LRRC7: variants seen among roughly 807,000 people sequenced by gnomAD.
The protein encoded by LRRC7 is leucine-rich repeat-containing protein 7.
Under a neutral mutation model 175.7 loss-of-function variants are expected in LRRC7, and 23 were observed. That is an observed-to-expected ratio of 0.13 (90% CI 0.09 to 0.19). LRRC7 has a LOEUF of 0.19. LRRC7 is among the 10% of genes least tolerant of loss of function. The pLI is 1.00. For missense variants in LRRC7, 1,354 were observed against 1,904.7 expected (o/e 0.71, Z 5.38); for synonymous variants, 685 against 680.9 (o/e 1.01, Z -0.09).
chr1:70,116,472 G>A (rs1470826083), intron 26 of LRRC7, among the ~76,000 whole-genome samples: 2 of 151,362 alleles, frequency 1.3e-5, no homozygotes, highest in Non-Finnish European at 2.9e-5. Flanking sequence ...GCGTGAGCCC[G>A]GGAGGCAGAG....
intron 7 of LRRC7, among the ~76,000 whole-genome samples, chr1:69,887,635 G>C (rs1213634606): frequency 6.6e-6 from 1 of 152,180 alleles, no homozygotes; most frequent in Admixed American, 6.5e-5. Flanking sequence ...GTCATTCTCT[G>C]TCCAGCTTTG....
intron 7 of LRRC7, among the ~76,000 whole-genome samples, chr1:69,883,510 A>G (rs1686854402): frequency 9.9e-6 from 1 of 101,080 alleles, no homozygotes; most frequent in African/African-American, 3.7e-5. Context: ...GATTCTGGAT[A>G]TTAGCTCTTT....
intron 8 of LRRC7, among the ~76,000 whole-genome samples, chr1:69,977,794 A>G (rs1652979175): frequency 6.6e-6 from 1 of 152,220 alleles, no homozygotes; most frequent in Non-Finnish European, 1.5e-5. Context: ...GCAGAAACGC[A>G]TGCTGGACAT....
At chr1:70,044,237 A>G (rs1406139730) in intron 22 of LRRC7, 143 bp downstream of exon 22, 14 of 695,134 alleles carry the variant, frequency 2.0e-5, no homozygotes, top group Non-Finnish European at 3.2e-5. Context: ...AGTAATGTAG[A>G]GCCTGAACTC....
chr1:69,770,449 G>T (rs1207613891), intron 3 of LRRC7, among the ~76,000 whole-genome samples: 5 of 152,180 alleles, frequency 3.3e-5, no homozygotes, highest in Non-Finnish European at 7.4e-5. Context: ...AGATTTTAGG[G>T]TGACAAATTT....
intron 3 of LRRC7, among the ~76,000 whole-genome samples, chr1:69,788,677 CT>C (rs1674774271): frequency 6.6e-6 from 1 of 152,104 alleles, no homozygotes; most frequent in South Asian, 2.1e-4. Flanking sequence ...ATCTGGCTAT[CT>C]TCTGATTGCT....
intron 20 of LRRC7, among the ~76,000 whole-genome samples, chr1:70,037,021 G>A (rs1334359085): frequency 6.6e-6 from 1 of 152,062 alleles, no homozygotes; most frequent in African/African-American, 2.4e-5. Flanking sequence ...AATTTTCATT[G>A]CTATCGTCAT....
chr1:69,681,462 C>A (rs1453427524), intron 2 of LRRC7, among the ~76,000 whole-genome samples: 1 of 152,070 alleles, frequency 6.6e-6, no homozygotes. Flanking sequence ...ATTCTCTATA[C>A]CACTTTACAA....
chr1:69,768,330 T>C (rs1461393792), intron 3 of LRRC7, among the ~76,000 whole-genome samples: 1 of 152,158 alleles, frequency 6.6e-6, no homozygotes, highest in Non-Finnish European at 1.5e-5. Flanking sequence ...CCTTGGTTTT[T>C]CCACTGCCAG....
At chr1:69,717,779 AAAG>A in intron 2 of LRRC7, among the ~76,000 whole-genome samples, 1 of 17,740 alleles carries the variant, frequency 5.6e-5, no homozygotes, top group Non-Finnish European at 1.1e-4. Flanking sequence ...AAAAAGAAAG[AAAG>A]AAAGAAAGAA....
At chr1:69,833,351 A>G (rs1160647921) in intron 5 of LRRC7, among the ~76,000 whole-genome samples, 2 of 152,134 alleles carry the variant, frequency 1.3e-5, no homozygotes, top group African/African-American at 2.4e-5. Context: ...TATTTGTAGT[A>G]AAGCTGTTTC....
chr1:69,688,958 A>C (rs984864636), intron 2 of LRRC7, among the ~76,000 whole-genome samples: 1 of 152,296 alleles, frequency 6.6e-6, no homozygotes, highest in East Asian at 1.9e-4. Flanking sequence ...AAAATATTTT[A>C]TGGTTGTGAA....
intron 4 of LRRC7, among the ~76,000 whole-genome samples, chr1:69,807,376 G>A (rs1305735458): frequency 6.6e-6 from 1 of 151,920 alleles, no homozygotes; most frequent in Admixed American, 6.6e-5. Context: ...AGTTGATGCA[G>A]TTTTCTTCCT....
intron 1 of LRRC7, among the ~76,000 whole-genome samples, chr1:69,630,138 C>T (rs138884442): frequency 3.1e-4 from 47 of 152,230 alleles, no homozygotes; most frequent in African/African-American, 1.1e-3. Context: ...GTATCTCCAA[C>T]ATCTCTCTAT....
chr1:69,729,506 C>A (rs1194502740), intron 2 of LRRC7, among the ~76,000 whole-genome samples: 1 of 152,154 alleles, frequency 6.6e-6, no homozygotes, highest in Non-Finnish European at 1.5e-5. Flanking sequence ...CATGCAAGTC[C>A]AAAATCAAGC....
At chr1:69,983,087 C>T (rs915939965) in intron 9 of LRRC7, among the ~76,000 whole-genome samples, 7 of 152,182 alleles carry the variant, frequency 4.6e-5, no homozygotes, top group South Asian at 4.1e-4. Context: ...TCTTTCATTG[C>T]TCAATGGAAA....
chr1:70,020,176 A>G lies in LRRC7; in HGVS notation c.1421-829A>G, dbSNP rs1372862688. On this transcript the variant is annotated intron_variant, in intron 15 of 26. Coordinates refer to ENST00000651989, the MANE Select transcript of LRRC7 (RefSeq NM_001370785.2). ...GCAGGAGTGTAATAAATGAGTTTTC[A>G]GAATCCCTTGTAACAAAGAAAGACA... Among the ~76,000 whole-genome samples the G allele has an allele frequency of 2.6e-5, 4 of 152,036 alleles. No individual in the cohort carries two copies. The South Asian group carries it at 8.3e-4, about 31-fold the overall frequency.
chr1:69,980,134 G>A (rs572142169), intron 8 of LRRC7, among the ~76,000 whole-genome samples: 9 of 152,066 alleles, frequency 5.9e-5, no homozygotes, highest in Non-Finnish European at 1.0e-4. Flanking sequence ...CAGGGAGAAT[G>A]TATGTGAGTA....
chr1:69,995,005 T>TTATAAGGTTTAACCAATACA (rs1654795951), intron 11 of LRRC7, among the ~76,000 whole-genome samples: 1 of 152,140 alleles, frequency 6.6e-6, no homozygotes, highest in Non-Finnish European at 1.5e-5. Flanking sequence ...AAACCAATTT[T>TTATAAGGTTTAACCAATACA]TATAAGGCTC....
Sources: gnomAD v4.1 joint callset for allele counts (sites outside exome capture counted in the v4.1 genomes callset) on GRCh38, gnomAD v4.1.1 for gene constraint, MANE v1.5 for transcripts, NCBI Gene and HGNC (gene_info 2026-07-23, HGNC 2026-07-21) for gene names.